PICALM: variants seen among roughly 807,000 people sequenced by gnomAD.
PICALM encodes the protein phosphatidylinositol-binding clathrin assembly protein.
PICALM carries 40 observed loss-of-function variants against 80.5 expected under a neutral mutation model. The observed-to-expected ratio is 0.50, with a 90% CI of 0.39 to 0.65. The LOEUF (loss-of-function observed/expected upper bound fraction) is 0.65, where lower values mean the gene tolerates loss of function less well. Ranked by LOEUF, PICALM falls within the 30% of genes least tolerant of loss-of-function variation. PICALM has a pLI of 0.00. For missense variants in PICALM, 676 were observed against 778.9 expected, an observed-to-expected ratio of 0.87 and a Z score of 1.57; for synonymous variants, 288 against 260.3, an observed-to-expected ratio of 1.11 and a Z score of -1.02.
At chr11:86,064,389 G>A (rs1447436637) in intron 1 of PICALM, among the ~76,000 whole-genome samples, 2 of 152,184 alleles carry the variant, frequency 1.3e-5, no homozygotes, top group Non-Finnish European at 2.9e-5. Context: ...ACAGGATATG[G>A]TGACTCACAC....
In PICALM at chr11:86,031,601, C is replaced by G; in HGVS notation, c.141G>C (p.Gln47His). The change falls in exon 2 of 20, where the codon CAG (glutamine) becomes CAC (histidine). Residue 47 changes from glutamine (Q) to histidine (H), a missense_variant. By Grantham distance (24) the Gln-to-His change is conservative. Transcript: ENST00000393346. ...TGTTCACATTCATCTCATTTGTGCA[C>G]TGAATTAAGTCTGCAATAAAAAATT... is the stretch of plus-strand genomic sequence containing the variant. ...PKKKHLDYLI[Q>H]CTNEMNVNIP... is the part of the protein sequence containing the mutation. 6.2e-7 allele frequency: 1 copy of G among 1,605,536 alleles called. No homozygotes were observed. The highest frequency in any genetic ancestry group is 8.5e-7 in the Non-Finnish European group (1 of 1,177,598).
At chr11:86,068,577 C>G in intron 1 of PICALM, 74 bp downstream of exon 1, 1 of 1,414,048 alleles carries the variant, frequency 7.1e-7, no homozygotes, top group Non-Finnish European at 9.7e-7. Flanking sequence ...GGGTGAAAGA[C>G]AAGAGAGAGA....
chr11:85,986,365 ATTTTTTTTTTTTTTTTTTTTTTT>A lies in PICALM; in HGVS notation c.1409-2415_1409-2393del, dbSNP rs775072780. Among the ~76,000 whole-genome samples the A allele has an allele frequency of 5.4e-5, 4 of 73,750 alleles. No individual in the cohort carries two copies. In the Admixed American group the frequency reaches 7.7e-4, roughly 14 times the overall value. The allele number at this position is 73,750 out of a possible 152,430, so 48.4% of individuals were successfully genotyped here. A position where few individuals can be genotyped will look rare whatever the true frequency, so the allele number is the denominator to read the frequency against. ...AAACTATCAGGACTGCCAACTTTTA[ATTTTTTTTTTTTTTTTTTTTTTT>A]TTTTTTTTTTTTTGAGACGGAGTCT... On this transcript the variant is annotated intron_variant, in intron 13 of 19. Transcript: ENST00000393346.
At chr11:85,988,899 T>C (rs967950713) in intron 13 of PICALM, among the ~76,000 whole-genome samples, 2 of 152,366 alleles carry the variant, frequency 1.3e-5, no homozygotes, top group African/African-American at 2.4e-5. Flanking sequence ...TATTAGGCAG[T>C]TGGCTTTTTA....
At chr11:86,033,505 C>T (rs1001158029) in intron 1 of PICALM, among the ~76,000 whole-genome samples, 2 of 152,120 alleles carry the variant, frequency 1.3e-5, no homozygotes, top group African/African-American at 2.4e-5. Flanking sequence ...TTGCTCCCTT[C>T]GCTTCCTTCC....
In PICALM at chr11:86,068,632, C is replaced by A; in HGVS notation, c.130+19G>T. On this transcript the variant is annotated intron_variant, in intron 1 of 19. Transcript: ENST00000393346. Reference sequence around the variant, plus strand: ...CGCGCGGGCGCCGGGGAGCGGGGGCCGCGGTCGGCTTCACTCACAGTCCAG... The same window carrying A: ...CGCGCGGGCGCCGGGGAGCGGGGGCAGCGGTCGGCTTCACTCACAGTCCAG... 6.3e-7 allele frequency: 1 copy of A among 1,597,046 alleles called. No homozygotes were observed. The highest frequency in any genetic ancestry group is 8.5e-7 in the Non-Finnish European group (1 of 1,173,402).
intron 17 of PICALM, among the ~76,000 whole-genome samples, chr11:85,979,258 G>A (rs2094369271): frequency 6.6e-6 from 1 of 152,174 alleles, no homozygotes; most frequent in South Asian, 2.1e-4. Flanking sequence ...GGGAGGCTGA[G>A]GCGGGTGGAT....
At position 85,957,235 on chromosome 11, in the gene PICALM, G is replaced by A. The variant is rs566600826; in HGVS notation, c.*1811C>T. Among the ~76,000 whole-genome samples, 10 of 152,208 alleles carry A rather than the reference G, an allele frequency of 6.6e-5. No individual in the cohort carries two copies. The highest frequency in any genetic ancestry group is 2.2e-4 in the African/African-American group (9 of 41,544). Reference sequence around the variant, plus strand: ...AAAGCTGATAAAATTTATTGGCTACGACTACATTTTTTCTCCAATCACAGC... The same window carrying A: ...AAAGCTGATAAAATTTATTGGCTACAACTACATTTTTTCTCCAATCACAGC... On this transcript the variant is annotated 3_prime_UTR_variant, in exon 20 of 20. Transcript: ENST00000393346.
At chr11:86,036,681 T>C (rs11234520) in intron 1 of PICALM, among the ~76,000 whole-genome samples, 27,208 of 152,084 alleles carry the variant, frequency 0.18, 2,790 homozygotes, top group East Asian at 0.47. Context: ...AGTCTGACTA[T>C]GAAATACTAT....
In PICALM at chr11:86,069,060, G is replaced by T. The variant is rs1442300452; in HGVS notation, c.-280C>A. Reference sequence around the variant, plus strand: ...CAGCTGGAGCCGGGCAGGGTAAGAGGAACAGGCAGCTGCAGGAAAATGGCG... The same window carrying T: ...CAGCTGGAGCCGGGCAGGGTAAGAGTAACAGGCAGCTGCAGGAAAATGGCG... On this transcript the variant is annotated 5_prime_UTR_variant, in exon 1 of 20. Coordinates refer to ENST00000393346, the MANE Select transcript of PICALM (RefSeq NM_007166.4). The T allele has an allele frequency of 8.0e-6, 3 of 376,126 alleles. No individual in the cohort carries two copies. In the East Asian group the frequency reaches 1.3e-4, roughly 16 times the overall value. 23.3% of individuals were successfully genotyped at this position (376,126 alleles called of 1,614,324 possible).
rs534558756 is a variant in PICALM, at chr11:86,017,534, A to G, written c.453-2571T>C. ...GTGTTTGTTATGTGTTAAGCACTACATACAATATCCCATTTAATTCTCACA... is the reference window on the plus strand; with the variant it reads ...GTGTTTGTTATGTGTTAAGCACTACGTACAATATCCCATTTAATTCTCACA... On this transcript the variant is annotated intron_variant, in intron 4 of 19. Coordinates refer to ENST00000393346, the MANE Select transcript of PICALM (RefSeq NM_007166.4). 4.6e-5 allele frequency among the ~76,000 whole-genome samples: 7 copies of G among 152,362 alleles called. No individual in the cohort carries two copies. The South Asian group carries it at 1.4e-3, about 32-fold the overall frequency.
intron 9 of PICALM, among the ~76,000 whole-genome samples, chr11:86,002,788 A>G (rs988975706): frequency 6.6e-6 from 1 of 152,114 alleles, no homozygotes; most frequent in African/African-American, 2.4e-5. Context: ...TGAGGTGTGC[A>G]GATCACTTGA....
chr11:85,996,996 T>C (rs1423727925), intron 11 of PICALM, 67 bp from the exon 12 acceptor site: 2 of 842,536 alleles, frequency 2.4e-6, no homozygotes, highest in Non-Finnish European at 4.0e-6. Context: ...TGTCACCTTC[T>C]CCACCCACCA....
chr11:85,998,653 C>A (rs532595252), intron 11 of PICALM, among the ~76,000 whole-genome samples: 6 of 152,206 alleles, frequency 3.9e-5, no homozygotes, highest in African/African-American at 1.2e-4. Flanking sequence ...CGGAGTGCGC[C>A]TGTAGTCCCA....
At chr11:85,975,731 G>T (rs1023331541) in intron 18 of PICALM, among the ~76,000 whole-genome samples, 2 of 151,496 alleles carry the variant, frequency 1.3e-5, no homozygotes, top group Admixed American at 1.3e-4. Context: ...CAAGTAGCTG[G>T]AATTACAGGT....
chr11:85,992,583 G>A (rs969456224), intron 12 of PICALM, among the ~76,000 whole-genome samples: 5 of 152,124 alleles, frequency 3.3e-5, no homozygotes, highest in Non-Finnish European at 7.4e-5. Flanking sequence ...CACCACACAC[G>A]GCCGAATGTT....
intron 1 of PICALM, among the ~76,000 whole-genome samples, chr11:86,050,370 T>C (rs1257640650): frequency 6.6e-6 from 1 of 152,116 alleles, no homozygotes; most frequent in Non-Finnish European, 1.5e-5. Context: ...TGGCTCTTAA[T>C]GGTTGTCACT....
At position 86,000,636 on chromosome 11, in the gene PICALM, C is replaced by A; in HGVS notation, c.1154+7G>T. ...TATTCAAAGGTAACCTTAACTTCTA[C>A]TCCTACCTGTTAGAAGAACTAGGGG... is the stretch of plus-strand genomic sequence containing the variant. On this transcript the variant is annotated splice_region_variant and intron_variant, in intron 11 of 19. Transcript: ENST00000393346. 6.2e-7 allele frequency: 1 copy of A among 1,610,042 alleles called. No homozygotes were observed.
chr11:85,960,722 T>A, intron 19 of PICALM: 1 of 1,319,722 alleles, frequency 7.6e-7, no homozygotes, highest in Non-Finnish European at 9.9e-7. Flanking sequence ...TGCAAAGGGG[T>A]CCTTTCCTGA....
Sources: gnomAD v4.1 joint callset for allele counts (sites outside exome capture counted in the v4.1 genomes callset) on GRCh38, gnomAD v4.1.1 for gene constraint, MANE v1.5 for transcripts, NCBI Gene and HGNC (gene_info 2026-07-23, HGNC 2026-07-21) for gene names.